Variants in FBRSL1 observed in about 807,000 individuals in gnomAD.
FBRSL1 encodes the protein fibrosin-1-like protein.
Under a neutral mutation model 89.6 loss-of-function variants are expected in FBRSL1, and 51 were observed. The observed-to-expected ratio is 0.57, with a 90% CI of 0.45 to 0.72. FBRSL1 has a LOEUF of 0.72. FBRSL1 is among the 30% of genes least tolerant of loss of function. The pLI is 0.00. For synonymous variants in FBRSL1, 779 were observed against 681.1 expected (o/e 1.14, Z -2.24); for missense variants, 1,618 against 1,451.8 (o/e 1.11, Z -1.86).
intron 2 of FBRSL1, among the ~76,000 whole-genome samples, chr12:132,518,114 C>T (rs1358315866): frequency 6.6e-6 from 1 of 152,172 alleles, no homozygotes; most frequent in Non-Finnish European, 1.5e-5. Context: ...AGACACTTAC[C>T]TGCACTTGCC....
At chr12:132,516,227 A>ATC (rs2034830400) in intron 2 of FBRSL1, among the ~76,000 whole-genome samples, 1 of 147,144 alleles carries the variant, frequency 6.8e-6, no homozygotes, top group African/African-American at 2.5e-5. Context: ...GTCTTGCTCT[A>ATC]TCACCCAGGC....
chr12:132,503,102 C>T (rs1325083896), intron 1 of FBRSL1, among the ~76,000 whole-genome samples: 3 of 149,708 alleles, frequency 2.0e-5, no homozygotes, highest in Non-Finnish European at 4.4e-5. Context: ...CCTCACAGTG[C>T]CCCGCCTCCC....
intron 2 of FBRSL1, among the ~76,000 whole-genome samples, chr12:132,514,559 C>T (rs1039097583): frequency 2.6e-5 from 4 of 152,206 alleles, no homozygotes; most frequent in Non-Finnish European, 5.9e-5. Context: ...TGCTGAGCCA[C>T]AGGCCCGGCC....
At chr12:132,562,976 TACGCCACACCTGGCCCCCACAGCCTGC>T (rs2039263803) in intron 5 of FBRSL1, among the ~76,000 whole-genome samples, 1 of 151,914 alleles carries the variant, frequency 6.6e-6, no homozygotes, top group Admixed American at 6.6e-5. Context: ...CTGAAGGACC[TACGCCACACCTGGCCCCCACAGCCTGC>T]ACCCCACACC....
At chr12:132,506,246 G>A (rs1043228494) in intron 1 of FBRSL1, among the ~76,000 whole-genome samples, 3 of 152,178 alleles carry the variant, frequency 2.0e-5, no homozygotes, top group Non-Finnish European at 2.9e-5. Flanking sequence ...AGGAGGGGCC[G>A]GCAGAAATCT....
At position 132,516,192 on chromosome 12, in the gene FBRSL1, CTT is replaced by C. The variant is rs1253503503; in HGVS notation, c.489+7857_489+7858del. Among the ~76,000 whole-genome samples, 292 of 140,250 alleles carry C rather than the reference CTT, an allele frequency of 2.1e-3. 1 individual carries two copies. The highest frequency in any genetic ancestry group is 6.2e-3 in the African/African-American group (239 of 38,330). The allele number at this position is 140,250 out of a possible 152,430, so 92.0% of individuals were successfully genotyped here. On this transcript the variant is annotated intron_variant, in intron 2 of 18. Transcript: ENST00000680143. ...AGATGAAATAGATAATCCGAATAGTCTTTTTTTTTTTTTTTTGAGATGGAGTC... is the reference window on the plus strand; with the variant it reads ...AGATGAAATAGATAATCCGAATAGTCTTTTTTTTTTTTTTGAGATGGAGTC...
At chr12:132,544,917 C>T (rs956674314) in intron 4 of FBRSL1, among the ~76,000 whole-genome samples, 5 of 152,172 alleles carry the variant, frequency 3.3e-5, no homozygotes, top group African/African-American at 1.2e-4. Flanking sequence ...AATGTACTGA[C>T]TATATATCAA....
Position 132,531,794 on chromosome 12 carries a change from C to T in FBRSL1, c.615+3806C>T, listed in dbSNP as rs188584012. On this transcript the variant is annotated intron_variant, in intron 4 of 18. Coordinates refer to ENST00000680143, the MANE Select transcript of FBRSL1 (RefSeq NM_001367871.1). The stretch of plus-strand genomic sequence containing the variant: ...AGGCACAGCCAGGCCAGCAGCCTCC[C>T]GTGTTGCTGAGTGGCACAGGCATTC... Among the ~76,000 whole-genome samples, 18 of 152,362 alleles carry T rather than the reference C, an allele frequency of 1.2e-4. No individual in the cohort carries two copies. The South Asian group carries it at 1.7e-3, about 14-fold the overall frequency.
At chr12:132,528,799 C>T (rs1000023145) in intron 4 of FBRSL1, among the ~76,000 whole-genome samples, 4 of 151,850 alleles carry the variant, frequency 2.6e-5, no homozygotes, top group Non-Finnish European at 5.9e-5. Flanking sequence ...TCAGTGTGTG[C>T]CGTGCCTCCC....
intron 4 of FBRSL1, among the ~76,000 whole-genome samples, chr12:132,534,418 C>A (rs892820045): frequency 6.6e-6 from 1 of 152,210 alleles, no homozygotes; most frequent in Non-Finnish European, 1.5e-5. Context: ...TCTGCAGATG[C>A]GGAAGCCGAG....
chr12:132,515,129 C>T (rs964031251), intron 2 of FBRSL1, among the ~76,000 whole-genome samples: 4 of 152,184 alleles, frequency 2.6e-5, no homozygotes, highest in African/African-American at 9.7e-5. Context: ...TCATCCTCTA[C>T]CTCATCGGCT....
intron 5 of FBRSL1, among the ~76,000 whole-genome samples, chr12:132,556,617 C>T (rs555467442): frequency 4.3e-5 from 6 of 139,934 alleles, no homozygotes; most frequent in Admixed American, 2.2e-4. Flanking sequence ...CCACCCACCC[C>T]CCTCCTGTGG....
intron 4 of FBRSL1, among the ~76,000 whole-genome samples, chr12:132,537,682 T>G (rs1264298728): frequency 6.6e-6 from 1 of 152,156 alleles, no homozygotes; most frequent in Non-Finnish European, 1.5e-5. Context: ...TGCCCCAATC[T>G]TTGTGACAGT....
At chr12:132,535,108 C>T (rs895006232) in intron 4 of FBRSL1, among the ~76,000 whole-genome samples, 18 of 152,310 alleles carry the variant, frequency 1.2e-4, no homozygotes, top group East Asian at 7.7e-4. Flanking sequence ...GAGAACAGGC[C>T]GGGCTGCTGT....
At chr12:132,523,174 G>A (rs2035511258) in intron 2 of FBRSL1, among the ~76,000 whole-genome samples, 1 of 152,208 alleles carries the variant, frequency 6.6e-6, no homozygotes, top group East Asian at 1.9e-4. Context: ...GAGTGGACGT[G>A]TGGCCTCCCC....
chr12:132,560,909 T>C (rs1243210730), intron 5 of FBRSL1, among the ~76,000 whole-genome samples: 1 of 152,196 alleles, frequency 6.6e-6, no homozygotes, highest in Non-Finnish European at 1.5e-5. Context: ...TGGTGGCCCC[T>C]GGGGCTGCCA....
chr12:132,509,117 C>T lies in FBRSL1; in HGVS notation c.489+767C>T, dbSNP rs545490490. 2.1e-4 allele frequency: 248 copies of T among 1,186,020 alleles called. No homozygotes were observed. The African/African-American group carries it at 3.1e-3, about 15-fold the overall frequency. The allele number at this position is 1,186,020 out of a possible 1,614,324, so 73.5% of individuals were successfully genotyped here. Reference sequence around the variant, plus strand: ...GGGCCCGGGCTGGACGGGGGTTCCGCGGGCGGTGACACCTGCCCAGGTGGA... The same window carrying T: ...GGGCCCGGGCTGGACGGGGGTTCCGTGGGCGGTGACACCTGCCCAGGTGGA... On this transcript the variant is annotated intron_variant, in intron 2 of 18. Transcript: ENST00000680143.
chr12:132,492,987 G>A (rs530932584), intron 1 of FBRSL1, among the ~76,000 whole-genome samples: 2 of 152,294 alleles, frequency 1.3e-5, no homozygotes, highest in South Asian at 4.1e-4. Context: ...TCTCCATCAG[G>A]CAGTGTTCTG....
chr12:132,576,975 G>A (rs765120492), intron 15 of FBRSL1, 44 bp downstream of exon 15: 60 of 1,528,938 alleles, frequency 3.9e-5, no homozygotes, highest in Admixed American at 6.0e-5. Flanking sequence ...GAAACCTCCC[G>A]CTCGTGCCCA....
Sources: allele counts gnomAD v4.1 joint callset (sites outside exome capture counted in the v4.1 genomes callset), GRCh38; gene constraint gnomAD v4.1.1; transcripts MANE v1.5; gene names NCBI Gene and HGNC (gene_info 2026-07-23, HGNC 2026-07-21).